EDA: variants seen among roughly 807,000 people sequenced by gnomAD.
EDA encodes the protein ectodysplasin-A.
Under a neutral mutation model 23.6 loss-of-function variants are expected in EDA, and 2 were observed. The observed-to-expected ratio is 0.08, with a 90% CI of 0.03 to 0.27. The LOEUF is 0.27. Ranked by LOEUF, EDA falls within the 10% of genes least tolerant of loss-of-function variation. The pLI is 1.00. For missense variants in EDA, 229 were observed against 324.2 expected (o/e 0.71, Z 2.26); for synonymous variants, 131 against 132.0 (o/e 0.99, Z 0.05).
intron 1 of EDA, among the ~76,000 whole-genome samples, chrX:69,800,852 C>CTTT (rs2015667138): frequency 9.0e-6 from 1 of 111,375 alleles, no homozygotes. Context: ...TAAAGAGTCT[C>CTTT]ATAAAGTCTC....
At chrX:69,783,490 A>G (rs1186010756) in intron 1 of EDA, among the ~76,000 whole-genome samples, 1 of 86,760 alleles carries the variant, frequency 1.2e-5, no homozygotes, top group Non-Finnish European at 2.1e-5. Context: ...TCCTGTGTCC[A>G]TGTGTTCTCA....
At chrX:70,026,065 G>A (rs2020102970) in intron 3 of EDA, among the ~76,000 whole-genome samples, 1 of 112,325 alleles carries the variant, frequency 8.9e-6, no homozygotes, top group Non-Finnish European at 1.9e-5. Context: ...AGTGTCTGGG[G>A]AGCAAGAAGT....
chrX:70,016,353 C>T (rs899234196), intron 2 of EDA, among the ~76,000 whole-genome samples: 1 of 110,647 alleles, frequency 9.0e-6, no homozygotes, highest in African/African-American at 3.3e-5. Flanking sequence ...ATATTTCAGA[C>T]CTGAACTTGA....
chrX:69,934,856 G>A (rs1174178081), intron 1 of EDA, among the ~76,000 whole-genome samples: 2 of 111,071 alleles, frequency 1.8e-5, no homozygotes, highest in Non-Finnish European at 3.8e-5. Flanking sequence ...ATTGTTGACT[G>A]TAGTCACCTT....
At chrX:69,751,092 C>T (rs79755400) in intron 1 of EDA, among the ~76,000 whole-genome samples, 56 of 107,625 alleles carry the variant, frequency 5.2e-4, no homozygotes, top group Non-Finnish European at 3.7e-4. Context: ...GACATGAAGT[C>T]CTTGCCCATG....
intron 2 of EDA, among the ~76,000 whole-genome samples, chrX:69,973,897 C>T (rs1002007817): frequency 2.7e-5 from 3 of 110,530 alleles, no homozygotes; most frequent in Non-Finnish European, 5.7e-5. Context: ...TTGTATTAAA[C>T]GTATTTAAGA....
chrX:69,950,305 G>C (rs1328124724), intron 1 of EDA, among the ~76,000 whole-genome samples: 1 of 49,278 alleles, frequency 2.0e-5, no homozygotes. Context: ...CTTCTCAAAA[G>C]AAGACATTTA....
intron 1 of EDA, among the ~76,000 whole-genome samples, chrX:69,706,962 G>T (rs1450166069): frequency 9.0e-6 from 1 of 111,306 alleles, no homozygotes; most frequent in Non-Finnish European, 1.9e-5. Flanking sequence ...TGGTTGGGGG[G>T]TACCTTAGAA....
At chrX:70,030,638 A>G (rs2147513125) in intron 6 of EDA, 118 bp downstream of exon 6, 1 of 685,913 alleles carries the variant, frequency 1.5e-6, no homozygotes, top group East Asian at 3.5e-5. Context: ...TTGGCATACG[A>G]AGTCATTCTT....
intron 2 of EDA, among the ~76,000 whole-genome samples, chrX:70,020,150 G>A (rs2020010629): frequency 9.0e-6 from 1 of 111,643 alleles, no homozygotes; most frequent in Non-Finnish European, 1.9e-5. Context: ...TAACCATATA[G>A]GAAAAGATTA....
chrX:69,912,165 A>G (rs936214241), intron 1 of EDA, among the ~76,000 whole-genome samples: 42 of 111,620 alleles, frequency 3.8e-4, no homozygotes, highest in Admixed American at 1.8e-3. Flanking sequence ...GATTGCAGCA[A>G]TTGAGTCACA....
intron 1 of EDA, among the ~76,000 whole-genome samples, chrX:69,682,175 T>A (rs1028180869): frequency 3.6e-5 from 4 of 112,469 alleles, no homozygotes; most frequent in African/African-American, 1.3e-4. Context: ...GCAGTCTGCC[T>A]GTTCTCAGAT....
chrX:69,819,997 TA>T (rs1365004389), intron 1 of EDA, among the ~76,000 whole-genome samples: 1 of 109,791 alleles, frequency 9.1e-6, no homozygotes, highest in African/African-American at 3.3e-5. Context: ...CAAACCGTGC[TA>T]CAAGGTTACA....
At chrX:69,914,408 A>G (rs866310875) in intron 1 of EDA, among the ~76,000 whole-genome samples, 29 of 112,107 alleles carry the variant, frequency 2.6e-4, no homozygotes, top group African/African-American at 9.4e-4. Flanking sequence ...ATAGAGCTAA[A>G]GTTTAAATAT....
chrX:69,791,645 A>AT (rs1285966624), intron 1 of EDA, among the ~76,000 whole-genome samples: 55 of 109,110 alleles, frequency 5.0e-4, no homozygotes, highest in South Asian at 3.9e-3. Flanking sequence ...CAACAATTGT[A>AT]TTTTTTTTTT....
intron 1 of EDA, among the ~76,000 whole-genome samples, chrX:69,747,853 C>A (rs1044959689): frequency 9.0e-6 from 1 of 111,414 alleles, no homozygotes; most frequent in African/African-American, 3.3e-5. Context: ...AGTGAGACAG[C>A]GATTTGGAAA....
At chrX:69,636,614 T>A (rs1932778450) in intron 1 of EDA, among the ~76,000 whole-genome samples, 1 of 106,887 alleles carries the variant, frequency 9.4e-6, no homozygotes, top group African/African-American at 3.4e-5. Context: ...ACACCATAGG[T>A]GCTCAAACTG....
intron 1 of EDA, among the ~76,000 whole-genome samples, chrX:69,742,409 G>A (rs1392133658): frequency 8.9e-6 from 1 of 111,975 alleles, no homozygotes; most frequent in Admixed American, 9.4e-5. Context: ...TAGAGATGGG[G>A]TAAGAGAAGC....
At chrX:69,797,534 A>G (rs1569336031) in intron 1 of EDA, among the ~76,000 whole-genome samples, 1 of 111,462 alleles carries the variant, frequency 9.0e-6, no homozygotes, top group Non-Finnish European at 1.9e-5. Context: ...GAGACAGACA[A>G]AAGATGAGAG....
Sources: allele counts gnomAD v4.1 joint callset (sites outside exome capture counted in the v4.1 genomes callset), GRCh38; gene constraint gnomAD v4.1.1; transcripts MANE v1.5; gene names NCBI Gene and HGNC (gene_info 2026-07-23, HGNC 2026-07-21).